NIPAL2: variants seen among roughly 807,000 people sequenced by gnomAD.
The protein encoded by NIPAL2 is NIPA like domain containing 2.
Under a neutral mutation model 48.9 loss-of-function variants are expected in NIPAL2, and 43 were observed. That is an observed-to-expected ratio of 0.88 (90% CI 0.69 to 1.13). The LOEUF is 1.13. NIPAL2 is among the 50% of genes most tolerant of loss of function. NIPAL2 has a pLI of 0.00. For synonymous variants in NIPAL2, 167 were observed against 174.6 expected (o/e 0.96, Z 0.34); for missense variants, 446 against 461.4 (o/e 0.97, Z 0.31).
intron 3 of NIPAL2, among the ~76,000 whole-genome samples, chr8:98,238,472 G>T (rs1812827544): frequency 6.6e-6 from 1 of 152,046 alleles, no homozygotes; most frequent in South Asian, 2.1e-4. Context: ...TTTAATGTTG[G>T]TATAATAATC....
At chr8:98,257,779 C>T (rs1317183220) in intron 1 of NIPAL2, among the ~76,000 whole-genome samples, 1 of 152,074 alleles carries the variant, frequency 6.6e-6, no homozygotes, top group Non-Finnish European at 1.5e-5. Flanking sequence ...CCAGATATTC[C>T]CCTTCTATTG....
intron 1 of NIPAL2, among the ~76,000 whole-genome samples, chr8:98,262,730 G>T (rs1484971788): frequency 6.6e-6 from 1 of 151,214 alleles, no homozygotes; most frequent in Non-Finnish European, 1.5e-5. Context: ...GAGACAGAAA[G>T]TCAACAAGGA....
intron 4 of NIPAL2, among the ~76,000 whole-genome samples, chr8:98,228,957 C>A (rs1030671019): frequency 6.6e-6 from 1 of 152,146 alleles, no homozygotes; most frequent in East Asian, 1.9e-4. Flanking sequence ...GAAAAAATAG[C>A]AGTCCTATGT....
At chr8:98,280,241 C>T (rs1815719680) in intron 1 of NIPAL2, among the ~76,000 whole-genome samples, 1 of 152,154 alleles carries the variant, frequency 6.6e-6, no homozygotes, top group Non-Finnish European at 1.5e-5. Context: ...AATTCAAAAT[C>T]AGATCCCAGT....
Position 98,246,006 on chromosome 8 carries a change from G to A in NIPAL2, c.376+6457C>T, listed in dbSNP as rs142833122. Among the ~76,000 whole-genome samples the A allele has an allele frequency of 3.8e-3, 583 of 152,280 alleles. 6 individuals are homozygous for A. The highest frequency in any genetic ancestry group is 0.013 in the African/African-American group (549 of 41,560). ...GCATCCTGTGAGGTTTTAGAGTTCC[G>A]GTGACCTCATCCAGGCTGGCAGTAA... On this transcript the variant is annotated intron_variant, in intron 3 of 10. Coordinates refer to ENST00000430223, the MANE Select transcript of NIPAL2 (RefSeq NM_001321635.2).
intron 4 of NIPAL2, among the ~76,000 whole-genome samples, chr8:98,233,996 C>T (rs1812579183): frequency 1.3e-5 from 2 of 151,930 alleles, no homozygotes; most frequent in Non-Finnish European, 2.9e-5. Flanking sequence ...TAGAGAAGAA[C>T]AGGGCTAAAC....
At chr8:98,255,695 C>G (rs1319327276) in intron 1 of NIPAL2, among the ~76,000 whole-genome samples, 1 of 152,116 alleles carries the variant, frequency 6.6e-6, no homozygotes, top group East Asian at 1.9e-4. Context: ...CATGGGGAAA[C>G]AATTGAGGCA....
intron 8 of NIPAL2, among the ~76,000 whole-genome samples, chr8:98,197,590 A>G (rs989726786): frequency 6.6e-6 from 1 of 152,202 alleles, no homozygotes; most frequent in Admixed American, 6.5e-5. Context: ...CAAAATCTCT[A>G]CTTAATCTTC....
chr8:98,274,451 A>G (rs531674738), intron 1 of NIPAL2, among the ~76,000 whole-genome samples: 1 of 152,118 alleles, frequency 6.6e-6, no homozygotes, highest in Non-Finnish European at 1.5e-5. Flanking sequence ...AATCTGCTGA[A>G]TTTTGAATTA....
chr8:98,248,334 A>G (rs1213159449), intron 3 of NIPAL2, among the ~76,000 whole-genome samples: 1 of 152,240 alleles, frequency 6.6e-6, no homozygotes, highest in Non-Finnish European at 1.5e-5. Context: ...AGTATGCTCC[A>G]TTATAAAGAA....
At chr8:98,205,677 T>A (rs9642948) in intron 6 of NIPAL2, among the ~76,000 whole-genome samples, 64,981 of 151,904 alleles carry the variant, frequency 0.43, 14,332 homozygotes, top group South Asian at 0.58. Flanking sequence ...ACCAAGTAGA[T>A]GAGAAGACTG....
intron 4 of NIPAL2, 152 bp from the exon 5 acceptor site, chr8:98,222,752 T>C: frequency 1.3e-6 from 1 of 742,032 alleles, no homozygotes; most frequent in Non-Finnish European, 2.2e-6. Flanking sequence ...TTGGATAGCG[T>C]CCACATTCAC....
chr8:98,207,124 G>A (rs936613135), intron 6 of NIPAL2, among the ~76,000 whole-genome samples: 6 of 152,176 alleles, frequency 3.9e-5, no homozygotes, highest in Admixed American at 1.3e-4. Flanking sequence ...GTTTCCCAAC[G>A]GGACAATTAA....
At chr8:98,260,874 T>C (rs1814275574) in intron 1 of NIPAL2, among the ~76,000 whole-genome samples, 1 of 151,244 alleles carries the variant, frequency 6.6e-6, no homozygotes, top group Non-Finnish European at 1.5e-5. Flanking sequence ...GACTTAAATG[T>C]CCCTGTCTGA....
chr8:98,271,092 A>T (rs1815096432), intron 1 of NIPAL2, among the ~76,000 whole-genome samples: 1 of 152,086 alleles, frequency 6.6e-6, no homozygotes, highest in African/African-American at 2.4e-5. Context: ...TGTTTTTGTT[A>T]TTATAGCCTT....
intron 1 of NIPAL2, among the ~76,000 whole-genome samples, chr8:98,271,325 T>C (rs892202066): frequency 6.6e-6 from 1 of 152,242 alleles, no homozygotes; most frequent in Admixed American, 6.5e-5. Context: ...TTCCAATCCA[T>C]GAACATGGAA....
intron 3 of NIPAL2, among the ~76,000 whole-genome samples, chr8:98,249,130 A>G (rs1249177004): frequency 6.6e-6 from 1 of 152,180 alleles, no homozygotes; most frequent in East Asian, 1.9e-4. Context: ...TCTGCCCCTC[A>G]AAGATTCATA....
intron 1 of NIPAL2, among the ~76,000 whole-genome samples, chr8:98,258,185 C>G (rs976427491): frequency 3.9e-5 from 6 of 152,048 alleles, no homozygotes; most frequent in African/African-American, 1.5e-4. Flanking sequence ...CTCAGATAGT[C>G]AAATTCATGA....
chr8:98,192,341 C>T lies in NIPAL2; in HGVS notation c.*637G>A, dbSNP rs140661937. The T allele has an allele frequency of 6.7e-3, 1,016 of 152,340 alleles. 9 individuals are homozygous for T. Among genetic ancestry groups the T allele is most frequent in the South Asian group, 0.014 (67 of 4,818 alleles). 9.4% of individuals were successfully genotyped at this position (152,340 alleles called of 1,614,324 possible). ...CTTCTTAAACTTCCTCTTCCTTACA[C>T]GTAAAAAGCCCACCAGTCAAGGTCT... is the stretch of plus-strand genomic sequence containing the variant. On this transcript the variant is annotated 3_prime_UTR_variant, in exon 11 of 11. Transcript: ENST00000430223.
Sources: gnomAD v4.1 joint callset for allele counts (sites outside exome capture counted in the v4.1 genomes callset) on GRCh38, gnomAD v4.1.1 for gene constraint, MANE v1.5 for transcripts, NCBI Gene and HGNC (gene_info 2026-07-23, HGNC 2026-07-21) for gene names.